The following RBM3 variants were observed in gnomAD, a reference collection of about 807,000 sequenced individuals.
The protein encoded by RBM3 is RNA-binding protein 3.
A neutral mutation model predicts 12.0 loss-of-function variants in RBM3; 3 were observed. That is an observed-to-expected ratio of 0.25 (90% CI 0.11 to 0.65). RBM3 has a LOEUF of 0.65. Ranked by LOEUF, RBM3 falls within the 30% of genes least tolerant of loss-of-function variation. The pLI is 0.84. For synonymous variants in RBM3, 58 were observed against 45.7 expected, an observed-to-expected ratio of 1.27 and a Z score of -1.08; for missense variants, 108 against 134.5, an observed-to-expected ratio of 0.80 and a Z score of 0.97.
chrX:48,576,857 A>T, intron 5 of RBM3, among the ~76,000 whole-genome samples, 169 bp from the exon 6 acceptor site: 1 of 112,152 alleles, frequency 8.9e-6, no homozygotes, highest in East Asian at 2.8e-4. Flanking sequence ...CTGCGTATAA[A>T]TCGTATGCCA....
At chrX:48,576,076 G>T in intron 3 of RBM3, 1 of 1,128,826 alleles carries the variant, frequency 8.9e-7, no homozygotes, top group Non-Finnish European at 1.2e-6. Context: ...CCTGAGTTCA[G>T]TCAAGATGTA....
At chrX:48,576,263 C>A in intron 3 of RBM3, 51 bp from the exon 4 acceptor site, 1 of 1,178,925 alleles carries the variant, frequency 8.5e-7, no homozygotes, top group Non-Finnish European at 1.1e-6. Context: ...CTTCCCTCAC[C>A]ATTGCCCTGA....
rs1178542676 is a variant in RBM3 at position 48,578,842 on chromosome X, C to T, written c.*1401C>T. The stretch of plus-strand genomic sequence containing the variant: ...TTGGGCAGAGATGCACTGAACTCAT[C>T]TTTGTGTATGAGGGCCATGAGAGAG... On this transcript the variant is annotated 3_prime_UTR_variant, in exon 7 of 7. Transcript: ENST00000376759. The T allele has an allele frequency of 1.8e-5, 2 of 111,857 alleles. No individual in the cohort carries two copies. Among genetic ancestry groups the T allele is most frequent in the Non-Finnish European group, 3.8e-5 (2 of 53,182 alleles). The allele number at this position is 111,857 out of a possible 1,213,427, so 9.2% of individuals were successfully genotyped here.
rs999906093 is a variant in RBM3, at chrX:48,580,466, G to A, written c.*3025G>A. ...GGCTGGAGTGCAGTGGCACAATCTC[G>A]GCTCACTGTACCCTCCGCCTCCCAG... On this transcript the variant is annotated 3_prime_UTR_variant, in exon 7 of 7. Coordinates refer to ENST00000376759, the MANE Select transcript of RBM3 (RefSeq NM_006743.5). Among the ~76,000 whole-genome samples, 1 of 111,046 alleles carries A rather than the reference G, an allele frequency of 9.0e-6. No homozygotes were observed. The highest frequency in any genetic ancestry group is 1.9e-5 in the Non-Finnish European group (1 of 52,986).
intron 5 of RBM3, among the ~76,000 whole-genome samples, 180 bp downstream of exon 5, chrX:48,576,784 T>C (rs782604659): frequency 8.9e-6 from 1 of 112,373 alleles, no homozygotes; most frequent in East Asian, 2.8e-4. Flanking sequence ...AAGTATACTA[T>C]ATATGTTGTG....
chrX:48,575,115 C>T, intron 1 of RBM3, 53 bp from the exon 2 acceptor site: 1 of 897,495 alleles, frequency 1.1e-6, no homozygotes. Flanking sequence ...TATTTTCTCA[C>T]ATCTCCATTT....
rs11795839 is a variant in RBM3, at chrX:48,580,482, C to T, written c.*3041C>T. Among the ~76,000 whole-genome samples, 32,676 of 110,254 alleles carry T rather than the reference C, an allele frequency of 0.3. 3,780 individuals carry two copies. The highest frequency in any genetic ancestry group is 0.44 in the East Asian group (1,518 of 3,470). Reference sequence around the variant, plus strand: ...CACAATCTCGGCTCACTGTACCCTCCGCCTCCCAGGTTCAAGCAGTTCTCA... The same window carrying T: ...CACAATCTCGGCTCACTGTACCCTCTGCCTCCCAGGTTCAAGCAGTTCTCA... On this transcript the variant is annotated 3_prime_UTR_variant, in exon 7 of 7. Transcript: ENST00000376759.
chrX:48,574,876 T>A, intron 1 of RBM3: 1 of 390,453 alleles, frequency 2.6e-6, no homozygotes, highest in Non-Finnish European at 4.8e-6. Flanking sequence ...TCTGCCGGCG[T>A]TAAGGGAACG....
In RBM3 at chrX:48,576,354, A is replaced by G. The variant is rs1556989218; in HGVS notation, c.251A>G (p.Lys84Arg). The G allele has an allele frequency of 8.3e-7, 1 of 1,210,675 alleles. No individual in the cohort carries two copies. Among genetic ancestry groups the G allele is most frequent in the African/African-American group, 1.7e-5 (1 of 57,608 alleles). ...CAGATCCGTGTGGATCATGCAGGCA[A>G]GTCTGCTCGGGGAACCAGAGGAGGT... is the stretch of plus-strand genomic sequence containing the variant. ...GRQIRVDHAG[K>R]SARGTRGGGF... Residue 84 changes from lysine (K) to arginine (R), a missense_variant, in exon 4 of 7, where the codon AAG becomes AGG. Physicochemically the swap from Lys to Arg is conservative, Grantham distance 26 (BLOSUM62 2). Around this residue, in one of 2 missense-constraint regions of RBM3, gnomAD observed 43 missense variants for 79.6 expected, o/e 0.54. Transcript: ENST00000376759.
Position 48,576,403 on chromosome X carries a change from T to G in RBM3, c.300T>G (p.Gly100=), listed in dbSNP as rs1242278596. 8.3e-7 allele frequency: 1 copy of G among 1,208,192 alleles called. No homozygotes were observed. Among genetic ancestry groups the G allele is most frequent in the Non-Finnish European group, 1.1e-6 (1 of 894,516 alleles). ...RGGGFGAHGR[G]RSYSRGGGDQ... ...GTGGCTTTGGGGCCCATGGGCGTGG[T>G]CGCAGCTACTCTAGAGGTGAGTGCA... is the stretch of plus-strand genomic sequence containing the variant. The change falls in exon 4 of 7, where the codon GGT becomes GGG. Residue 100 remains glycine, a synonymous_variant. Coordinates refer to ENST00000376759, the MANE Select transcript of RBM3 (RefSeq NM_006743.5).
rs1191498235 is a variant in RBM3, at chrX:48,580,483, G to A, written c.*3042G>A. ...ACAATCTCGGCTCACTGTACCCTCC[G>A]CCTCCCAGGTTCAAGCAGTTCTCAT... is the stretch of plus-strand genomic sequence containing the variant. On this transcript the variant is annotated 3_prime_UTR_variant, in exon 7 of 7. Transcript: ENST00000376759. 9.0e-6 allele frequency among the ~76,000 whole-genome samples: 1 copy of A among 111,038 alleles called. No individual in the cohort carries two copies. The highest frequency in any genetic ancestry group is 9.7e-5 in the Admixed American group (1 of 10,362).
rs1381452802 is a variant in RBM3 at position 48,580,886 on chromosome X, C to T, written c.*3445C>T. 1 of 111,221 alleles carries T rather than the reference C, an allele frequency of 9.0e-6. No individual in the cohort carries two copies. Among genetic ancestry groups the T allele is most frequent in the Non-Finnish European group, 1.9e-5 (1 of 53,086 alleles). The allele number at this position is 111,221 out of a possible 1,213,427, so 9.2% of individuals were successfully genotyped here. ...GGTTGACAATAAGCCAGTGTTCTGC[C>T]ATTCTTACCTGCTTATCAAGACAAA... On this transcript the variant is annotated 3_prime_UTR_variant, in exon 7 of 7. Coordinates refer to ENST00000376759, the MANE Select transcript of RBM3 (RefSeq NM_006743.5).
rs1433211318 is a variant in RBM3 at position 48,581,082 on chromosome X, C to CG, written c.*3647dup. On this transcript the variant is annotated 3_prime_UTR_variant, in exon 7 of 7. Transcript: ENST00000376759. Reference sequence around the variant, plus strand: ...CCCTGGATCTGGGGGCGGGGGGGGGCGGGGGGAATGGGTCTTTTCTAAATT... The same window carrying CG: ...CCCTGGATCTGGGGGCGGGGGGGGGCGGGGGGGAATGGGTCTTTTCTAAATT... 5.2e-4 allele frequency: 3 copies of CG among 5,773 alleles called. No homozygotes were observed. The highest frequency in any genetic ancestry group is 0.091 in the Middle Eastern group (2 of 22). The allele number at this position is 5,773 out of a possible 1,213,427, so 0.5% of individuals were successfully genotyped here.
chrX:48,575,520 C>T (rs1556989054), intron 2 of RBM3, 41 bp from the exon 3 acceptor site: 2 of 1,126,435 alleles, frequency 1.8e-6, no homozygotes, highest in Non-Finnish European at 1.2e-6. Context: ...CTTTGGGGTA[C>T]TGACTGGTCC....
intron 3 of RBM3, chrX:48,575,981 A>G (rs1276905485): frequency 8.2e-6 from 6 of 728,841 alleles, no homozygotes; most frequent in South Asian, 2.8e-5. Context: ...GTCTTCTGAC[A>G]TGGACTCTGA....
In RBM3 at chrX:48,579,713, G is replaced by A. The variant is rs1418823794; in HGVS notation, c.*2272G>A. 1.8e-5 allele frequency: 2 copies of A among 111,748 alleles called. No individual in the cohort carries two copies. Among genetic ancestry groups the A allele is most frequent in the Non-Finnish European group, 3.8e-5 (2 of 53,144 alleles). 9.2% of individuals were successfully genotyped at this position (111,748 alleles called of 1,213,427 possible). ...CCTCTCACCCCCAGTGTCAGCTGAG[G>A]TAGGATCCATAATCAGTAATATTCC... is the stretch of plus-strand genomic sequence containing the variant. On this transcript the variant is annotated 3_prime_UTR_variant, in exon 7 of 7. Coordinates refer to ENST00000376759, the MANE Select transcript of RBM3 (RefSeq NM_006743.5).
In RBM3 at chrX:48,575,579, G is replaced by A. The variant is rs782376471; in HGVS notation, c.122G>A (p.Arg41Gln). 2.5e-5 allele frequency: 30 copies of A among 1,208,613 alleles called. No homozygotes were observed. The highest frequency in any genetic ancestry group is 3.1e-5 in the Non-Finnish European group (28 of 894,524). ...PISEVVVVKD[R>Q]ETQRSRGFGF... ...CTCACAGTGGTCGTTGTCAAGGACC[G>A]GGAGACTCAGCGGTCCAGGGGTTTT... is the stretch of plus-strand genomic sequence containing the variant. The change falls in exon 3 of 7, where the codon CGG becomes CAG. Residue 41 changes from arginine (R) to glutamine (Q), a missense_variant. This residue lies in a region of RBM3 where 43 missense variants were observed against 79.6 expected (regional missense o/e 0.54). Coordinates refer to ENST00000376759, the MANE Select transcript of RBM3 (RefSeq NM_006743.5).
rs1031369488 is a variant in RBM3, at chrX:48,578,370, C to T, written c.*929C>T. 7.2e-5 allele frequency: 8 copies of T among 110,397 alleles called. No individual in the cohort carries two copies. Among genetic ancestry groups the T allele is most frequent in the African/African-American group, 2.3e-4 (7 of 30,329 alleles). The allele number at this position is 110,397 out of a possible 1,213,427, so 9.1% of individuals were successfully genotyped here. On this transcript the variant is annotated 3_prime_UTR_variant, in exon 7 of 7. Transcript: ENST00000376759. ...GGCGGATCACCTGAGGTCAGGAGTT[C>T]GAGACCAGCCTGGCCAACAGGGCAA...
chrX:48,577,185 A>T, intron 6 of RBM3, 76 bp downstream of exon 6: 2 of 1,191,234 alleles, frequency 1.7e-6, no homozygotes, highest in Non-Finnish European at 2.3e-6. Flanking sequence ...TTCTGGCAAG[A>T]CTGCTCTGCA....
Sources: allele counts gnomAD v4.1 joint callset (sites outside exome capture counted in the v4.1 genomes callset), GRCh38; gene constraint gnomAD v4.1.1; regional missense constraint gnomAD v4.1.1; transcripts MANE v1.5; gene names NCBI Gene and HGNC (gene_info 2026-07-23, HGNC 2026-07-21).